CNTNAP2: variants seen among roughly 807,000 people sequenced by gnomAD.
The protein encoded by CNTNAP2 is contactin associated protein 2, also known as contactin-associated protein-like 2.
In CNTNAP2, 98 loss-of-function variants were observed where a neutral mutation model predicts 155.2. That is an observed-to-expected ratio of 0.63 (90% CI 0.54 to 0.75). The LOEUF (loss-of-function observed/expected upper bound fraction) is 0.75. Among genes scored for constraint, CNTNAP2 ranks in the 30% least tolerant of loss-of-function variants. The pLI is 0.00. For synonymous variants in CNTNAP2, 651 were observed against 631.2 expected (o/e 1.03, Z -0.47); for missense variants, 1,727 against 1,688.1 (o/e 1.02, Z -0.40).
At chr7:146,189,395 G>A (rs182190278) in intron 1 of CNTNAP2, among the ~76,000 whole-genome samples, 320 of 152,122 alleles carry the variant, frequency 2.1e-3, no homozygotes, top group Non-Finnish European at 3.8e-3. Flanking sequence ...ATAGGTTTCC[G>A]GTCCTATGCC....
chr7:146,246,693 G>A (rs1378338901), intron 1 of CNTNAP2, among the ~76,000 whole-genome samples: 6 of 152,022 alleles, frequency 3.9e-5, no homozygotes, highest in African/African-American at 9.7e-5. Context: ...GAGAGCCTTC[G>A]GCCAGAGTTC....
At chr7:147,741,393 T>A (rs1796954114) in intron 13 of CNTNAP2, among the ~76,000 whole-genome samples, 2 of 152,232 alleles carry the variant, frequency 1.3e-5, no homozygotes, top group South Asian at 4.1e-4. Flanking sequence ...ATCCATGACC[T>A]CTTTTGCTTA....
At chr7:148,050,298 T>C (rs929705376) in intron 15 of CNTNAP2, among the ~76,000 whole-genome samples, 1 of 152,124 alleles carries the variant, frequency 6.6e-6, no homozygotes, top group African/African-American at 2.4e-5. Flanking sequence ...GGACAAGGTG[T>C]GGAGGTGGAA....
intron 18 of CNTNAP2, among the ~76,000 whole-genome samples, chr7:148,192,490 C>T (rs1019340708): frequency 1.3e-5 from 2 of 151,472 alleles, no homozygotes; most frequent in African/African-American, 4.9e-5. Flanking sequence ...TTTCCCCTCC[C>T]TCAAAGCCAA....
At chr7:146,659,115 TG>T (rs1363860417) in intron 1 of CNTNAP2, among the ~76,000 whole-genome samples, 1 of 152,148 alleles carries the variant, frequency 6.6e-6, no homozygotes, top group East Asian at 1.9e-4. Flanking sequence ...CCAAACCTGA[TG>T]AAATACCGTT....
intron 15 of CNTNAP2, among the ~76,000 whole-genome samples, chr7:148,035,721 C>T (rs574696781): frequency 6.6e-6 from 1 of 152,154 alleles, no homozygotes; most frequent in Non-Finnish European, 1.5e-5. Flanking sequence ...GGGGGTAGGG[C>T]AAACCCCACA....
intron 12 of CNTNAP2, among the ~76,000 whole-genome samples, chr7:147,624,898 A>G (rs751745846): frequency 6.6e-5 from 10 of 152,342 alleles, no homozygotes; most frequent in Non-Finnish European, 1.0e-4. Context: ...AATGTGGTAC[A>G]TATACACAAT....
At chr7:146,802,205 C>T (rs922704301) in intron 2 of CNTNAP2, among the ~76,000 whole-genome samples, 34 of 152,072 alleles carry the variant, frequency 2.2e-4, no homozygotes, top group African/African-American at 7.7e-4. Flanking sequence ...ATGTGTTGGC[C>T]GGACTAAGGT....
intron 10 of CNTNAP2, among the ~76,000 whole-genome samples, chr7:147,406,810 G>A (rs11977189): frequency 0.47 from 71,581 of 152,002 alleles, 19,633 homozygotes; most frequent in African/African-American, 0.77. Context: ...AACAAATTAC[G>A]GTATCTGAAA....
At chr7:148,216,916 G>A (rs183783427) in intron 18 of CNTNAP2, among the ~76,000 whole-genome samples, 2 of 152,190 alleles carry the variant, frequency 1.3e-5, no homozygotes, top group East Asian at 3.9e-4. Context: ...CTGCACATGT[G>A]CTCTCTCTTG....
At chr7:146,448,050 T>G (rs1162620956) in intron 1 of CNTNAP2, among the ~76,000 whole-genome samples, 1 of 152,008 alleles carries the variant, frequency 6.6e-6, no homozygotes, top group African/African-American at 2.4e-5. Context: ...TATTCTTAAT[T>G]TAATTCACAA....
chr7:147,341,183 C>T (rs986423975), intron 9 of CNTNAP2, among the ~76,000 whole-genome samples: 13 of 151,494 alleles, frequency 8.6e-5, no homozygotes, highest in African/African-American at 3.2e-4. Flanking sequence ...TGTATGTAGA[C>T]AAGAACAGAA....
At chr7:146,933,170 C>T (rs547734733) in intron 3 of CNTNAP2, among the ~76,000 whole-genome samples, 1 of 151,850 alleles carries the variant, frequency 6.6e-6, no homozygotes, top group African/African-American at 2.4e-5. Context: ...AGGCATCACG[C>T]TACCTGACTT....
At chr7:148,232,344 T>C (rs1006744268) in intron 20 of CNTNAP2, among the ~76,000 whole-genome samples, 6 of 152,194 alleles carry the variant, frequency 3.9e-5, no homozygotes, top group African/African-American at 1.4e-4. Flanking sequence ...AACACTGCAA[T>C]TTTTTCTTAA....
chr7:146,637,836 T>A (rs547234732), intron 1 of CNTNAP2, among the ~76,000 whole-genome samples: 101 of 152,344 alleles, frequency 6.6e-4, no homozygotes, highest in African/African-American at 2.4e-3. Context: ...GATACCAGTT[T>A]AATTTTAAAA....
intron 10 of CNTNAP2, among the ~76,000 whole-genome samples, chr7:147,456,302 C>A (rs1386361614): frequency 6.6e-6 from 1 of 152,036 alleles, no homozygotes; most frequent in Non-Finnish European, 1.5e-5. Flanking sequence ...CTAGAACTAC[C>A]TCTGCTTACA....
At chr7:148,385,615 T>A (rs377031107) in intron 22 of CNTNAP2, among the ~76,000 whole-genome samples, 5 of 152,266 alleles carry the variant, frequency 3.3e-5, no homozygotes, top group African/African-American at 9.6e-5. Flanking sequence ...TGGGCCAATA[T>A]GAGTTTTATG....
chr7:146,932,255 A>G (rs969921752), intron 3 of CNTNAP2, among the ~76,000 whole-genome samples: 3 of 152,204 alleles, frequency 2.0e-5, no homozygotes, highest in Non-Finnish European at 4.4e-5. Context: ...AGTGGGCTTC[A>G]TCCCTGGGAT....
At chr7:147,084,863 G>T (rs1219992467) in intron 4 of CNTNAP2, among the ~76,000 whole-genome samples, 1 of 149,034 alleles carries the variant, frequency 6.7e-6, no homozygotes, top group African/African-American at 2.5e-5. Context: ...CACATATAGT[G>T]TTTGTGTGTG....
Sources: allele counts gnomAD v4.1 joint callset (sites outside exome capture counted in the v4.1 genomes callset), GRCh38; gene constraint gnomAD v4.1.1; transcripts MANE v1.5; gene names NCBI Gene and HGNC (gene_info 2026-07-23, HGNC 2026-07-21).